The following KLHL18 variants were observed in gnomAD, a reference collection of about 807,000 sequenced individuals.
KLHL18 encodes kelch like family member 18, also known as kelch-like protein 18.
A neutral mutation model predicts 58.5 loss-of-function variants in KLHL18; 38 were observed. That is an observed-to-expected ratio of 0.65 (90% CI 0.50 to 0.85). KLHL18 has a LOEUF of 0.85. Ranked by LOEUF, KLHL18 falls within the 40% of genes least tolerant of loss-of-function variation. The pLI is 0.00. For missense variants in KLHL18, 624 were observed against 778.4 expected, an observed-to-expected ratio of 0.80 and a Z score of 2.36; for synonymous variants, 303 against 301.9, an observed-to-expected ratio of 1.00 and a Z score of -0.04.
chr3:47,312,674 G>T (rs868674297), intron 1 of KLHL18, among the ~76,000 whole-genome samples: 1 of 152,016 alleles, frequency 6.6e-6, no homozygotes, highest in African/African-American at 2.4e-5. Context: ...ACATTTATTG[G>T]TAAGAAAATA....
intron 1 of KLHL18, among the ~76,000 whole-genome samples, chr3:47,284,647 A>G (rs989695035): frequency 6.6e-6 from 1 of 151,648 alleles, no homozygotes; most frequent in Non-Finnish European, 1.5e-5. Flanking sequence ...TGCTCTTCTT[A>G]TTTTCTACAT....
intron 1 of KLHL18, among the ~76,000 whole-genome samples, chr3:47,309,559 G>A (rs1559492511): frequency 6.6e-6 from 1 of 152,174 alleles, no homozygotes; most frequent in Admixed American, 6.5e-5. Flanking sequence ...CAGATGATGG[G>A]CAGCCAGGCA....
chr3:47,294,664 TC>T lies in KLHL18; in HGVS notation c.129+11572del, dbSNP rs1206896597. 2.0e-5 allele frequency among the ~76,000 whole-genome samples: 3 copies of T among 152,158 alleles called. No individual in the cohort carries two copies. In the East Asian group the frequency reaches 5.8e-4, roughly 29 times the overall value. On this transcript the variant is annotated intron_variant, in intron 1 of 9. Coordinates refer to ENST00000232766, the MANE Select transcript of KLHL18 (RefSeq NM_025010.5). ...AAGTAGCCACCCAGCCCAGCACAGT[TC>T]CTTGCATGTGTATGGTATGGCTCAG...
Position 47,343,645 on chromosome 3 carries a change from A to T in KLHL18, c.1429A>T (p.Ser477Cys). 1 of 1,614,096 alleles carries T rather than the reference A, an allele frequency of 6.2e-7. No homozygotes were observed. Among genetic ancestry groups the T allele is most frequent in the Non-Finnish European group, 8.5e-7 (1 of 1,180,032 alleles). ...CCGGCACGGAGCCGCCTCCCTGGGGAGCAAGATGTTTGTCTGCGGGGGCTA... is the reference window on the plus strand; with the variant it reads ...CCGGCACGGAGCCGCCTCCCTGGGGTGCAAGATGTTTGTCTGCGGGGGCTA... ...RCRHGAASLG[S>C]KMFVCGGYDG... Residue 477 changes from serine (S) to cysteine (C), a missense_variant, in exon 10 of 10, where the codon AGC becomes TGC. Ser to Cys is a moderately radical substitution (Grantham distance 112). Coordinates refer to ENST00000232766, the MANE Select transcript of KLHL18 (RefSeq NM_025010.5).
At chr3:47,308,206 C>CT (rs1411517811) in intron 1 of KLHL18, among the ~76,000 whole-genome samples, 1 of 151,310 alleles carries the variant, frequency 6.6e-6, no homozygotes, top group Non-Finnish European at 1.5e-5. Context: ...AGTCTGGGCA[C>CT]TTAACTGTTC....
chr3:47,324,920 A>C (rs1469267279), intron 3 of KLHL18, among the ~76,000 whole-genome samples: 1 of 152,250 alleles, frequency 6.6e-6, no homozygotes, highest in Non-Finnish European at 1.5e-5. Context: ...GTACTTACGC[A>C]TAAACCTGAT....
chr3:47,328,535 A>G (rs1354608652), intron 3 of KLHL18, among the ~76,000 whole-genome samples: 1 of 152,066 alleles, frequency 6.6e-6, no homozygotes, highest in Admixed American at 6.6e-5. Flanking sequence ...TTGCCCCATG[A>G]GCATCAGGGC....
intron 6 of KLHL18, among the ~76,000 whole-genome samples, chr3:47,335,944 G>A (rs139855362): frequency 1.3e-5 from 2 of 152,322 alleles, no homozygotes; most frequent in African/African-American, 2.4e-5. Flanking sequence ...GTGCCCCATA[G>A]CAGCATACCA....
chr3:47,320,549 G>C (rs960427446), intron 2 of KLHL18, among the ~76,000 whole-genome samples: 1 of 152,146 alleles, frequency 6.6e-6, no homozygotes, highest in Non-Finnish European at 1.5e-5. Flanking sequence ...AGAGCTAGGA[G>C]ACTGTGTGTT....
chr3:47,324,967 C>T (rs1394298761), intron 3 of KLHL18, among the ~76,000 whole-genome samples: 1 of 152,184 alleles, frequency 6.6e-6, no homozygotes, highest in African/African-American at 2.4e-5. Flanking sequence ...TCATTCAGCC[C>T]TTCAGGACCC....
At chr3:47,287,738 G>C (rs559890488) in intron 1 of KLHL18, among the ~76,000 whole-genome samples, 1 of 152,016 alleles carries the variant, frequency 6.6e-6, no homozygotes, top group South Asian at 2.1e-4. Flanking sequence ...GCCTGCCTCG[G>C]CCTCCCAAAG....
At chr3:47,296,443 C>G (rs1053410596) in intron 1 of KLHL18, among the ~76,000 whole-genome samples, 1 of 152,156 alleles carries the variant, frequency 6.6e-6, no homozygotes. Flanking sequence ...GCATGAGACA[C>G]CCTGCTGTGA....
intron 9 of KLHL18, 84 bp from the exon 10 acceptor site, chr3:47,343,471 G>C (rs1316233740): frequency 1.3e-6 from 2 of 1,490,724 alleles, no homozygotes; most frequent in Admixed American, 4.0e-5. Context: ...ACATCATGGG[G>C]GGCTGCTGTG....
intron 6 of KLHL18, among the ~76,000 whole-genome samples, chr3:47,335,046 T>G (rs1216209788): frequency 6.6e-6 from 1 of 152,220 alleles, no homozygotes; most frequent in Non-Finnish European, 1.5e-5. Flanking sequence ...AGGCCTAGCC[T>G]TCTTACCTGA....
chr3:47,343,462 C>A, intron 9 of KLHL18, 93 bp from the exon 10 acceptor site: 1 of 1,436,454 alleles, frequency 7.0e-7, no homozygotes, highest in Non-Finnish European at 9.6e-7. Context: ...AGGAGTTTGA[C>A]ATCATGGGGG....
intron 1 of KLHL18, among the ~76,000 whole-genome samples, chr3:47,302,198 A>T (rs75098315): frequency 2.6e-5 from 4 of 152,068 alleles, no homozygotes; most frequent in Admixed American, 2.6e-4. Flanking sequence ...TTGTTTAAAA[A>T]CTCAATGGCT....
At position 47,321,592 on chromosome 3, in the gene KLHL18, C is replaced by T. The variant is rs148833210; in HGVS notation, c.261-976C>T. Among the ~76,000 whole-genome samples the T allele has an allele frequency of 7.7e-3, 1,178 of 152,146 alleles. 17 individuals carry two copies. Among genetic ancestry groups the T allele is most frequent in the African/African-American group, 0.027 (1,123 of 41,492 alleles). ...CTCGAGCTCCTGACCTCAGGTGATCCGCCCGCCTCGGCCTCTTAAAGTGCT... is the reference window on the plus strand; with the variant it reads ...CTCGAGCTCCTGACCTCAGGTGATCTGCCCGCCTCGGCCTCTTAAAGTGCT... On this transcript the variant is annotated intron_variant, in intron 2 of 9. Transcript: ENST00000232766.
chr3:47,316,106 A>G (rs541459900), intron 1 of KLHL18, among the ~76,000 whole-genome samples: 28 of 152,298 alleles, frequency 1.8e-4, no homozygotes, highest in African/African-American at 5.8e-4. Flanking sequence ...AAAAATTACA[A>G]TAGGAGGGAG....
chr3:47,317,331 C>T (rs1322178689), intron 1 of KLHL18, among the ~76,000 whole-genome samples: 1 of 152,100 alleles, frequency 6.6e-6, no homozygotes, highest in Non-Finnish European at 1.5e-5. Flanking sequence ...CCAGGCTGGT[C>T]TCGAACCCCT....
Sources: gnomAD v4.1 joint callset for allele counts (sites outside exome capture counted in the v4.1 genomes callset) on GRCh38, gnomAD v4.1.1 for gene constraint, MANE v1.5 for transcripts, NCBI Gene and HGNC (gene_info 2026-07-23, HGNC 2026-07-21) for gene names.